Variants in KCNIP3 observed in about 807,000 individuals in gnomAD.
KCNIP3 encodes the protein calsenilin.
A neutral mutation model predicts 35.0 loss-of-function variants in KCNIP3; 28 were observed. The ratio of observed to expected loss-of-function variants is 0.80; its 90% CI spans 0.59 to 1.10. KCNIP3 has a LOEUF of 1.10. KCNIP3 is among the 50% of genes least tolerant of loss of function. The pLI is 0.00. For missense variants in KCNIP3, 295 were observed against 338.4 expected (o/e 0.87, Z 1.01); for synonymous variants, 134 against 133.8 (o/e 1.00, Z -0.01).
chr2:95,310,149 C>T, intron 1 of KCNIP3: 1 of 694,804 alleles, frequency 1.4e-6, no homozygotes, highest in South Asian at 1.5e-5. Context: ...CCATCTTACA[C>T]CATAGCCAGG....
At chr2:95,364,551 G>C (rs1679874654) in intron 2 of KCNIP3, among the ~76,000 whole-genome samples, 1 of 152,138 alleles carries the variant, frequency 6.6e-6, no homozygotes, top group South Asian at 2.1e-4. Flanking sequence ...ATTGAATCAC[G>C]GGCGCGGATC....
chr2:95,320,542 C>T (rs1229524614), intron 2 of KCNIP3, among the ~76,000 whole-genome samples: 1 of 152,094 alleles, frequency 6.6e-6, no homozygotes, highest in Non-Finnish European at 1.5e-5. Context: ...GAGCCTGCCC[C>T]TCTCCCGTGG....
At chr2:95,365,158 CTTT>C (rs75136882) in intron 2 of KCNIP3, among the ~76,000 whole-genome samples, 15 of 120,482 alleles carry the variant, frequency 1.2e-4, no homozygotes, top group Admixed American at 7.0e-4. Flanking sequence ...GTCCTTATGT[CTTT>C]TTTTTTTTTT....
intron 8 of KCNIP3, among the ~76,000 whole-genome samples, chr2:95,383,689 C>T (rs1339579613): frequency 2.0e-5 from 3 of 152,324 alleles, no homozygotes; most frequent in South Asian, 2.1e-4. Context: ...GGGCCTCCAG[C>T]GCCTCTATTG....
chr2:95,342,480 T>C (rs760750605), intron 2 of KCNIP3, among the ~76,000 whole-genome samples: 5 of 152,264 alleles, frequency 3.3e-5, no homozygotes, highest in African/African-American at 4.8e-5. Context: ...GTTAGGACCC[T>C]GTTGGCTGCA....
intron 2 of KCNIP3, among the ~76,000 whole-genome samples, chr2:95,325,844 T>C (rs1464095173): frequency 1.1e-3 from 59 of 55,266 alleles, no homozygotes; most frequent in Admixed American, 1.7e-3. Flanking sequence ...TACACACTCA[T>C]ACACACATAC....
At chr2:95,383,341 C>T (rs201366058) in intron 8 of KCNIP3, 47 bp downstream of exon 8, 84 of 1,586,740 alleles carry the variant, frequency 5.3e-5, no homozygotes, top group Middle Eastern at 1.7e-4. Context: ...AGGCTCTACA[C>T]GGAGGTGGGT....
At chr2:95,324,084 C>T (rs1211404833) in intron 2 of KCNIP3, among the ~76,000 whole-genome samples, 3 of 152,220 alleles carry the variant, frequency 2.0e-5, no homozygotes, top group South Asian at 4.1e-4. Context: ...ACCTCCCCTC[C>T]GTGGGCTGGC....
chr2:95,383,358 C>T (rs2104310579), intron 8 of KCNIP3, 64 bp downstream of exon 8: 2 of 1,511,972 alleles, frequency 1.3e-6, no homozygotes, highest in South Asian at 2.3e-5. Flanking sequence ...GGGTGGTTGG[C>T]AGCGTCTGCC....
At chr2:95,383,905 C>T (rs967847725) in intron 8 of KCNIP3, 97 bp from the exon 9 acceptor site, 75 of 1,018,456 alleles carry the variant, frequency 7.4e-5, no homozygotes, top group Middle Eastern at 5.0e-4. Flanking sequence ...GACAGGCAGT[C>T]GCTGCAGGCT....
intron 2 of KCNIP3, among the ~76,000 whole-genome samples, chr2:95,356,539 G>A (rs923663435): frequency 2.0e-5 from 3 of 152,084 alleles, no homozygotes; most frequent in African/African-American, 7.2e-5. Context: ...GGTGTCAGGA[G>A]GGGATCCAGT....
chr2:95,363,028 G>T (rs956315602), intron 2 of KCNIP3, among the ~76,000 whole-genome samples: 7 of 152,154 alleles, frequency 4.6e-5, no homozygotes, highest in Non-Finnish European at 7.3e-5. Context: ...CTGCTCTAGA[G>T]ATTCTTCTTT....
chr2:95,354,264 G>C (rs556943476), intron 2 of KCNIP3, among the ~76,000 whole-genome samples: 4 of 152,230 alleles, frequency 2.6e-5, no homozygotes, highest in African/African-American at 7.2e-5. Context: ...CAGCAGGGGC[G>C]TGTGTCTCTA....
chr2:95,328,698 TCA>T (rs1165604218), intron 2 of KCNIP3, among the ~76,000 whole-genome samples: 1 of 152,250 alleles, frequency 6.6e-6, no homozygotes, highest in Non-Finnish European at 1.5e-5. Context: ...GGCAGCATTC[TCA>T]GTCTACAGTC....
intron 2 of KCNIP3, among the ~76,000 whole-genome samples, chr2:95,351,431 C>T (rs564269357): frequency 1.3e-5 from 2 of 152,256 alleles, no homozygotes; most frequent in South Asian, 4.2e-4. Flanking sequence ...GATGCATTTC[C>T]CGGGGAGAGC....
chr2:95,370,960 G>T (rs1680027993), intron 2 of KCNIP3, among the ~76,000 whole-genome samples: 1 of 151,998 alleles, frequency 6.6e-6, no homozygotes, highest in Non-Finnish European at 1.5e-5. Context: ...GTAGAGACAG[G>T]GTTTCGCCAT....
chr2:95,384,221 C>T lies in KCNIP3; in HGVS notation c.*172C>T. 2 of 623,972 alleles carry T rather than the reference C, an allele frequency of 3.2e-6. No homozygotes were observed. The highest frequency in any genetic ancestry group is 5.8e-6 in the Non-Finnish European group (2 of 346,644). 38.7% of individuals were successfully genotyped at this position (623,972 alleles called of 1,614,324 possible). On this transcript the variant is annotated 3_prime_UTR_variant, in exon 9 of 9. Transcript: ENST00000295225. ...ACACACACACAGCCATTCATCTGGG[C>T]TGGCAGAGGGGACAGAGTTCAGGGA...
At chr2:95,362,344 G>C (rs1679819847) in intron 2 of KCNIP3, among the ~76,000 whole-genome samples, 1 of 152,106 alleles carries the variant, frequency 6.6e-6, no homozygotes, top group South Asian at 2.1e-4. Flanking sequence ...GACCTCAGGT[G>C]ATCCGCCCAC....
rs1397749454 is a variant in KCNIP3 at position 95,336,362 on chromosome 2, C to T, written c.181+25842C>T. 7.9e-5 allele frequency among the ~76,000 whole-genome samples: 12 copies of T among 152,352 alleles called. No homozygotes were observed. The South Asian group carries it at 1.0e-3, about 13-fold the overall frequency. Reference sequence around the variant, plus strand: ...CTCCGTATCAGTCATAGTGGTTCCACGTCTCTGATCAAGCCTTCAATGATA... The same window carrying T: ...CTCCGTATCAGTCATAGTGGTTCCATGTCTCTGATCAAGCCTTCAATGATA... On this transcript the variant is annotated intron_variant, in intron 2 of 8. Transcript: ENST00000295225.
Sources: allele counts gnomAD v4.1 joint callset (sites outside exome capture counted in the v4.1 genomes callset), GRCh38; gene constraint gnomAD v4.1.1; transcripts MANE v1.5; gene names NCBI Gene and HGNC (gene_info 2026-07-23, HGNC 2026-07-21).